DROSHA: variants seen among roughly 807,000 people sequenced by gnomAD.
DROSHA encodes the protein ribonuclease 3.
DROSHA carries 56 observed loss-of-function variants against 181.9 expected under a neutral mutation model. That is an observed-to-expected ratio of 0.31 (90% CI 0.25 to 0.38). The LOEUF (loss-of-function observed/expected upper bound fraction) is 0.38. DROSHA is among the 10% of genes least tolerant of loss of function. The pLI, the probability that DROSHA is intolerant of heterozygous loss-of-function variation, is 1.00. For synonymous variants in DROSHA, 524 were observed against 591.2 expected (o/e 0.89, Z 1.65); for missense variants, 1,218 against 1,743.5 (o/e 0.70, Z 5.37).
intron 13 of DROSHA, among the ~76,000 whole-genome samples, chr5:31,486,947 T>C (rs1178149590): frequency 6.6e-6 from 1 of 152,232 alleles, no homozygotes; most frequent in Non-Finnish European, 1.5e-5. Context: ...AGATCAGGGA[T>C]AGTAGGGTGA....
intron 20 of DROSHA, among the ~76,000 whole-genome samples, chr5:31,462,781 A>G (rs1242839294): frequency 1.3e-5 from 2 of 152,138 alleles, no homozygotes; most frequent in Non-Finnish European, 2.9e-5. Context: ...CTAGTCAATC[A>G]GGCAGTTATT....
At chr5:31,456,054 C>T (rs552568601) in intron 20 of DROSHA, among the ~76,000 whole-genome samples, 10 of 152,044 alleles carry the variant, frequency 6.6e-5, no homozygotes, top group African/African-American at 2.2e-4. Flanking sequence ...CCAAACTGAC[C>T]GTTAAAACAA....
At chr5:31,438,507 CT>C (rs1164687768) in intron 23 of DROSHA, among the ~76,000 whole-genome samples, 1 of 152,112 alleles carries the variant, frequency 6.6e-6, no homozygotes, top group Non-Finnish European at 1.5e-5. Flanking sequence ...AATGGCTAGG[CT>C]TTAGCTTAAG....
intron 19 of DROSHA, among the ~76,000 whole-genome samples, 165 bp from the exon 20 acceptor site, chr5:31,464,508 G>A (rs115351537): frequency 0.012 from 1,851 of 149,050 alleles, 30 homozygotes; most frequent in Middle Eastern, 0.041. Context: ...AATGGAGGCT[G>A]GAATGCTCAA....
intron 27 of DROSHA, among the ~76,000 whole-genome samples, chr5:31,426,169 A>C (rs1325931787): frequency 6.6e-6 from 1 of 151,924 alleles, no homozygotes; most frequent in East Asian, 1.9e-4. Context: ...GACCAGACTA[A>C]TGCACCTGTC....
chr5:31,501,421 A>T (rs1246739887), intron 11 of DROSHA, among the ~76,000 whole-genome samples: 1 of 151,998 alleles, frequency 6.6e-6, no homozygotes, highest in Non-Finnish European at 1.5e-5. Context: ...GACATGTGGA[A>T]TAAGAGCTAT....
intron 16 of DROSHA, among the ~76,000 whole-genome samples, chr5:31,473,259 T>C (rs1284797427): frequency 1.3e-5 from 2 of 152,222 alleles, no homozygotes; most frequent in Admixed American, 6.5e-5. Flanking sequence ...AGTTTGAGTC[T>C]GGTGCACTAA....
At position 31,401,459 on chromosome 5, in the gene DROSHA, T is replaced by C. The variant is rs559000514; in HGVS notation, c.4098A>G (p.Pro1366=). 8.1e-6 allele frequency: 13 copies of C among 1,613,294 alleles called. No homozygotes were observed. The highest frequency in any genetic ancestry group is 1.1e-5 in the Non-Finnish European group (13 of 1,179,418). ...RWEREHQERE[P]DETEDIKK ...ATTTCTTGATGTCTTCAGTCTCATC[T>C]GGCTCTCTCTCTTGATGCTCTCTTT... Residue 1366 remains proline (P), a synonymous_variant, in exon 36 of 36, where the codon CCA becomes CCG. Transcript: ENST00000344624.
chr5:31,475,608 G>A (rs1027632842), intron 16 of DROSHA, among the ~76,000 whole-genome samples: 1 of 152,104 alleles, frequency 6.6e-6, no homozygotes, highest in African/African-American at 2.4e-5. Context: ...ACACTAACTA[G>A]GTTCACTAGG....
At position 31,463,172 on chromosome 5, in the gene DROSHA, C is replaced by T. The variant is rs138457281; in HGVS notation, c.2574+1064G>A. Among the ~76,000 whole-genome samples the T allele has an allele frequency of 3.4e-3, 516 of 152,150 alleles. 1 individual carries two copies. Among genetic ancestry groups the T allele is most frequent in the African/African-American group, 0.012 (492 of 41,522 alleles). On this transcript the variant is annotated intron_variant, in intron 20 of 35. Transcript: ENST00000344624. ...TGACAGTCATAAGATATTTGTCAAT[C>T]GGTAAAATAATTGTAGACTTGGTGA...
chr5:31,529,552 A>C (rs1009681460), intron 3 of DROSHA, among the ~76,000 whole-genome samples: 1 of 151,962 alleles, frequency 6.6e-6, no homozygotes, highest in Non-Finnish European at 1.5e-5. Flanking sequence ...TGGCTAACAC[A>C]GTGAAATCCT....
chr5:31,402,841 G>A (rs1328885538), intron 35 of DROSHA, among the ~76,000 whole-genome samples: 1 of 152,106 alleles, frequency 6.6e-6, no homozygotes, highest in Non-Finnish European at 1.5e-5. Context: ...TCTCGCTGGA[G>A]CGCAGTCCCT....
At chr5:31,414,628 C>T (rs909897933) in intron 30 of DROSHA, among the ~76,000 whole-genome samples, 2 of 152,200 alleles carry the variant, frequency 1.3e-5, no homozygotes, top group Non-Finnish European at 2.9e-5. Flanking sequence ...AATCTAACTA[C>T]AATGACTGGC....
At chr5:31,445,391 T>C (rs1746125407) in intron 23 of DROSHA, among the ~76,000 whole-genome samples, 1 of 152,196 alleles carries the variant, frequency 6.6e-6, no homozygotes, top group African/African-American at 2.4e-5. Flanking sequence ...TGGGAAGGTA[T>C]CTCATAAAAC....
At chr5:31,507,598 A>T (rs1738141143) in intron 10 of DROSHA, among the ~76,000 whole-genome samples, 1 of 152,148 alleles carries the variant, frequency 6.6e-6, no homozygotes, top group South Asian at 2.1e-4. Flanking sequence ...CCGGGGCAAC[A>T]GTGTGAGACC....
At chr5:31,516,456 TA>T (rs1415589348) in intron 6 of DROSHA, among the ~76,000 whole-genome samples, 2 of 152,200 alleles carry the variant, frequency 1.3e-5, no homozygotes, top group Non-Finnish European at 2.9e-5. Flanking sequence ...GTATTCTCAT[TA>T]ACTCTACCAC....
rs1257274580 is a variant in DROSHA, at chr5:31,411,305, GCA to G, written c.3526-420_3526-419del. 2.6e-5 allele frequency among the ~76,000 whole-genome samples: 4 copies of G among 152,156 alleles called. No individual in the cohort carries two copies. The highest frequency in any genetic ancestry group is 4.8e-5 in the African/African-American group (2 of 41,430). On this transcript the variant is annotated intron_variant, in intron 30 of 35. Transcript: ENST00000344624. The surrounding 1 kb of genome is among the most constrained non-coding windows in gnomAD (Gnocchi z 4.2). ...TCAATAAAATGCACCCATTTTCAGT[GCA>G]CAGTTAGATGAGTTTTGAAAAACAT...
intron 30 of DROSHA, among the ~76,000 whole-genome samples, chr5:31,419,402 C>T (rs995954049): frequency 3.9e-5 from 6 of 152,174 alleles, no homozygotes; most frequent in Non-Finnish European, 7.3e-5. Context: ...GACAGCAGGG[C>T]TGTTAAATAC....
At chr5:31,410,672 G>A (rs552385535) in intron 31 of DROSHA, 74 bp downstream of exon 31, 71 of 1,506,514 alleles carry the variant, frequency 4.7e-5, no homozygotes, top group Non-Finnish European at 6.2e-5. Context: ...ATAATAATGA[G>A]GAGGAGGACA....
Sources: gnomAD v4.1 joint callset for allele counts (sites outside exome capture counted in the v4.1 genomes callset) on GRCh38, gnomAD v4.1.1 for gene constraint, Gnocchi (gnomAD v3.1) non-coding constraint, MANE v1.5 for transcripts, NCBI Gene and HGNC (gene_info 2026-07-23, HGNC 2026-07-21) for gene names.